The following CELF5 variants were observed in gnomAD, a reference collection of about 807,000 sequenced individuals.
The protein encoded by CELF5 is CUGBP Elav-like family member 5.
Under a neutral mutation model 54.9 loss-of-function variants are expected in CELF5, and 6 were observed. The ratio of observed to expected loss-of-function variants is 0.11; its 90% CI spans 0.06 to 0.22. The LOEUF (loss-of-function observed/expected upper bound fraction) is 0.22. CELF5 is among the 10% of genes least tolerant of loss of function. The pLI, the probability that CELF5 is intolerant of heterozygous loss-of-function variation, is 1.00. For synonymous variants in CELF5, 271 were observed against 290.9 expected (o/e 0.93, Z 0.70); for missense variants, 401 against 678.6 (o/e 0.59, Z 4.54).
At chr19:3,234,936 T>C (rs577331762) in intron 1 of CELF5, among the ~76,000 whole-genome samples, 7 of 152,190 alleles carry the variant, frequency 4.6e-5, no homozygotes, top group Non-Finnish European at 8.8e-5. Flanking sequence ...AGAGAGCGCC[T>C]GTGAGCACCT....
chr19:3,285,845 C>T, intron 9 of CELF5, 97 bp from the exon 10 acceptor site: 1 of 718,816 alleles, frequency 1.4e-6, no homozygotes, highest in Non-Finnish European at 2.1e-6. Flanking sequence ...CTTGGCCCCA[C>T]CCTCTTATGG....
chr19:3,235,104 C>T (rs1327942828), intron 1 of CELF5, among the ~76,000 whole-genome samples: 5 of 152,212 alleles, frequency 3.3e-5, no homozygotes, highest in Non-Finnish European at 7.3e-5. Flanking sequence ...ACACTGGCCT[C>T]CTTGCTGTTT....
chr19:3,250,155 G>T (rs562703054), intron 1 of CELF5, among the ~76,000 whole-genome samples: 3 of 152,296 alleles, frequency 2.0e-5, no homozygotes, highest in Admixed American at 2.0e-4. Context: ...ATTGTAATAA[G>T]ATATACACAA....
chr19:3,273,992 C>T lies in CELF5; in HGVS notation c.394+69C>T. The T allele has an allele frequency of 2.7e-6, 4 of 1,495,624 alleles. No individual in the cohort carries two copies. In the Admixed American group the frequency reaches 5.1e-5, roughly 19 times the overall value. 92.6% of individuals were successfully genotyped at this position (1,495,624 alleles called of 1,614,324 possible). A position where few individuals can be genotyped will look rare whatever the true frequency, so the allele number is the denominator to read the frequency against. ...AATGGGAGAAGAAGGAAAATCTCTT[C>T]CTTCCTCTCTCCTGCAAAAGGGGCA... On this transcript the variant is annotated intron_variant, in intron 3 of 12. Transcript: ENST00000292672.
At chr19:3,245,306 T>C (rs546846372) in intron 1 of CELF5, among the ~76,000 whole-genome samples, 1 of 150,534 alleles carries the variant, frequency 6.6e-6, no homozygotes, top group East Asian at 2.0e-4. Flanking sequence ...CATCTGTGTG[T>C]GTGTGGTGTG....
chr19:3,247,996 C>G (rs1033748521), intron 1 of CELF5, among the ~76,000 whole-genome samples: 10 of 151,974 alleles, frequency 6.6e-5, no homozygotes, highest in Admixed American at 3.3e-4. Flanking sequence ...AACTCCTGAC[C>G]TCAGATGATC....
intron 1 of CELF5, chr19:3,225,496 C>A: frequency 1.1e-6 from 1 of 899,444 alleles, no homozygotes; most frequent in South Asian, 5.2e-5. Context: ...TTCAGCCTCC[C>A]CAGGCCCCGT....
At chr19:3,251,979 CAG>C (rs1314526273) in intron 2 of CELF5, among the ~76,000 whole-genome samples, 3 of 151,000 alleles carry the variant, frequency 2.0e-5, no homozygotes, top group Non-Finnish European at 4.4e-5. Flanking sequence ...CCGGCCAACA[CAG>C]GGGCTTCTTC....
At position 3,275,517 on chromosome 19, in the gene CELF5, GCT is replaced by G. The variant is rs1357039440; in HGVS notation, c.395-334_395-333del. On this transcript the variant is annotated intron_variant, in intron 3 of 12. Transcript: ENST00000292672. This position sits in a 1 kb window ranked among gnomAD's most constrained non-coding sequence, Gnocchi z 6.7. ...CTCCTAGCCCTAGTACTCGGTGCGG[GCT>G]CTCTGAGTGCACCAGAGGGAAAGGT... 6.6e-6 allele frequency among the ~76,000 whole-genome samples: 1 copy of G among 152,228 alleles called. No homozygotes were observed. The highest frequency in any genetic ancestry group is 1.5e-5 in the Non-Finnish European group (1 of 68,036).
At chr19:3,250,554 C>G (rs892407603) in intron 1 of CELF5, among the ~76,000 whole-genome samples, 2 of 152,156 alleles carry the variant, frequency 1.3e-5, no homozygotes, top group African/African-American at 4.8e-5. Flanking sequence ...CACGGTTGTG[C>G]AACCATCACC....
intron 1 of CELF5, among the ~76,000 whole-genome samples, chr19:3,235,640 G>T (rs1917531664): frequency 6.6e-6 from 1 of 151,010 alleles, no homozygotes. Context: ...GTGGATGGGT[G>T]GATGAGTGGA....
chr19:3,278,141 TG>T lies in CELF5; in HGVS notation c.603+36del, dbSNP rs765194114. On this transcript the variant is annotated intron_variant, in intron 5 of 12. Transcript: ENST00000292672. This position sits in a 1 kb window ranked among gnomAD's most constrained non-coding sequence, Gnocchi z 4.5. The stretch of plus-strand genomic sequence containing the variant: ...TTGGAGCTGCCCTTGGCCGTGGGGG[TG>T]GGGGTGGGAAAGGGGTGAGGGGGAC... The T allele has an allele frequency of 1.5e-5, 8 of 546,372 alleles. No homozygotes were observed. Among genetic ancestry groups the T allele is most frequent in the South Asian group, 1.2e-4 (7 of 59,690 alleles). 33.8% of individuals were successfully genotyped at this position (546,372 alleles called of 1,614,324 possible).
At chr19:3,230,429 G>C (rs1020960825) in intron 1 of CELF5, among the ~76,000 whole-genome samples, 1 of 152,226 alleles carries the variant, frequency 6.6e-6, no homozygotes, top group Non-Finnish European at 1.5e-5. Flanking sequence ...ATAGGTACAT[G>C]TCTTGACTTC....
rs1010997784 is a variant in CELF5, at chr19:3,275,815, G to C, written c.395-41G>C. The C allele has an allele frequency of 2.3e-5, 36 of 1,580,962 alleles. No individual in the cohort carries two copies. Among genetic ancestry groups the C allele is most frequent in the Non-Finnish European group, 2.9e-5 (33 of 1,157,716 alleles). ...GGGAGGAATCCCGGAGGCCCTCCCG[G>C]AGGCCGGGGACTCGGCTGAGGTGGG... On this transcript the variant is annotated intron_variant, in intron 3 of 12. Transcript: ENST00000292672. The surrounding 1 kb of genome is among the most constrained non-coding windows in gnomAD (Gnocchi z 6.7).
chr19:3,257,605 A>C (rs1406228596), intron 2 of CELF5, among the ~76,000 whole-genome samples: 1 of 149,214 alleles, frequency 6.7e-6, no homozygotes, highest in African/African-American at 2.5e-5. Context: ...CCTCCCGAGT[A>C]GCTGGGATTA....
At chr19:3,269,993 G>A (rs559238860) in intron 2 of CELF5, among the ~76,000 whole-genome samples, 2 of 152,144 alleles carry the variant, frequency 1.3e-5, no homozygotes. Flanking sequence ...GCAGATGTGG[G>A]TGTTGCTCCA....
chr19:3,250,884 G>C, intron 1 of CELF5, 101 bp from the exon 2 acceptor site: 1 of 583,576 alleles, frequency 1.7e-6, no homozygotes, highest in South Asian at 2.9e-5. Context: ...TCTGTGGATG[G>C]AAGCTTGGGT....
chr19:3,254,220 A>G (rs992298306), intron 2 of CELF5, among the ~76,000 whole-genome samples: 2 of 152,104 alleles, frequency 1.3e-5, no homozygotes, highest in Admixed American at 6.6e-5. Context: ...CCTTCTCTCC[A>G]TGCCTACTCT....
At chr19:3,286,490 C>T in intron 10 of CELF5, 1 of 156,480 alleles carries the variant, frequency 6.4e-6, no homozygotes. Context: ...AATTACATAG[C>T]GTTTTGGGGG....
Sources: gnomAD v4.1 joint callset for allele counts (sites outside exome capture counted in the v4.1 genomes callset) on GRCh38, gnomAD v4.1.1 for gene constraint, Gnocchi (gnomAD v3.1) non-coding constraint, MANE v1.5 for transcripts, NCBI Gene and HGNC (gene_info 2026-07-23, HGNC 2026-07-21) for gene names.